KRT80: variants seen among roughly 807,000 people sequenced by gnomAD.
KRT80 encodes the protein keratin, type II cytoskeletal 80.
A neutral mutation model predicts 51.5 loss-of-function variants in KRT80; 36 were observed. The ratio of observed to expected loss-of-function variants is 0.70; its 90% CI spans 0.54 to 0.92. The LOEUF (loss-of-function observed/expected upper bound fraction) is 0.92. KRT80 is among the 40% of genes least tolerant of loss of function. The pLI, the probability that KRT80 is intolerant of heterozygous loss-of-function variation, is 0.00. For synonymous variants in KRT80, 235 were observed against 248.3 expected, an observed-to-expected ratio of 0.95 and a Z score of 0.50; for missense variants, 566 against 591.7, an observed-to-expected ratio of 0.96 and a Z score of 0.45.
chr12:52,188,270 G>A (rs1941434956), intron 1 of KRT80, among the ~76,000 whole-genome samples: 1 of 152,168 alleles, frequency 6.6e-6, no homozygotes, highest in Non-Finnish European at 1.5e-5. Context: ...CTGGCCCTCT[G>A]CCCTTAGATC....
chr12:52,177,512 A>G (rs1386756141), intron 4 of KRT80, among the ~76,000 whole-genome samples: 3 of 152,130 alleles, frequency 2.0e-5, no homozygotes, highest in Non-Finnish European at 4.4e-5. Flanking sequence ...CTGTGGGGGA[A>G]CCTTCCAGCC....
chr12:52,183,701 C>T (rs10444538), intron 2 of KRT80, among the ~76,000 whole-genome samples: 13,129 of 152,352 alleles, frequency 0.086, 662 homozygotes, highest in East Asian at 0.18. Flanking sequence ...GTGTATAGAA[C>T]TTCCAGTTAC....
In KRT80 at chr12:52,172,429, G is replaced by A; in HGVS notation, c.958-11C>T. 1.2e-6 allele frequency: 2 copies of A among 1,607,084 alleles called. No homozygotes were observed. Among genetic ancestry groups the A allele is most frequent in the Non-Finnish European group, 8.5e-7 (1 of 1,175,094 alleles). The stretch of plus-strand genomic sequence containing the variant: ...CTCCAGTTTCAGGCACTGCAGCCAG[G>A]AGGACAGAGTGAAAGGGCCTGTGAG... On this transcript the variant is annotated splice_polypyrimidine_tract_variant and intron_variant, in intron 6 of 8. Coordinates refer to ENST00000394815, the MANE Select transcript of KRT80 (RefSeq NM_182507.3).
In KRT80 at chr12:52,191,583, G is replaced by A. The variant is rs200408646; in HGVS notation, c.300+20C>T. The A allele has an allele frequency of 2.0e-4, 304 of 1,542,702 alleles. 2 individuals carry two copies. The South Asian group carries it at 3.2e-3, about 16-fold the overall frequency. On this transcript the variant is annotated intron_variant, in intron 1 of 8. Coordinates refer to ENST00000394815, the MANE Select transcript of KRT80 (RefSeq NM_182507.3). ...AGGCCTGGCAGCCCTTCATGTTTGG[G>A]ACCCCCTACTTGTGCTCACCTTGCC... is the stretch of plus-strand genomic sequence containing the variant.
In KRT80 at chr12:52,173,765, C is replaced by T. The variant is rs757087592; in HGVS notation, c.667-1G>A. 4 of 1,609,376 alleles carry T rather than the reference C, an allele frequency of 2.5e-6. No individual in the cohort carries two copies. In the East Asian group the frequency reaches 8.9e-5, roughly 36 times the overall value. On this transcript the variant is annotated splice_acceptor_variant, in intron 4 of 8. Transcript: ENST00000394815. LOFTEE classifies it high-confidence loss of function. The stretch of plus-strand genomic sequence containing the variant: ...CCTGTGCTGCCAGGTCCTTCAGCTC[C>T]TGACCGGGCACAGATGTGGGGGCTC...
At position 52,191,772 on chromosome 12, in the gene KRT80, C is replaced by T. The variant is rs376296985; in HGVS notation, c.131G>A (p.Arg44His). The T allele has an allele frequency of 2.7e-5, 43 of 1,612,240 alleles. No individual in the cohort carries two copies. Among genetic ancestry groups the T allele is most frequent in the African/African-American group, 6.7e-5 (5 of 74,928 alleles). ...CRAPGPGFSS[R>H]SLTGCWSAGT... is the part of the protein sequence containing the mutation. ...AGCCGACCAGCAGCCTGTGAGGCTG[C>T]GGGAGCTGAAGCCCGGCCCGGGGGC... is the stretch of plus-strand genomic sequence containing the variant. The change falls in exon 1 of 9, where the codon CGC becomes CAC. Residue 44 changes from arginine (R) to histidine (H), a missense_variant. By Grantham distance (29) the Arg-to-His change is conservative. Transcript: ENST00000394815.
rs1007639703 is a variant in KRT80 at position 52,191,650 on chromosome 12, C to G, written c.253G>C (p.Glu85Gln). 5.6e-6 allele frequency: 9 copies of G among 1,610,502 alleles called. No homozygotes were observed. The highest frequency in any genetic ancestry group is 6.8e-6 in the Non-Finnish European group (8 of 1,177,520). ...AVQQLKNQEKEEMKALNDKFA... is the reference protein window; with the variant it reads ...AVQQLKNQEKQEMKALNDKFA... Reference sequence around the variant, plus strand: ...TTATCATTGAGGGCCTTCATCTCCTCCTTCTCCTGGTTCTTCAGCTGCTGA... The same window carrying G: ...TTATCATTGAGGGCCTTCATCTCCTGCTTCTCCTGGTTCTTCAGCTGCTGA... The change falls in exon 1 of 9, where the codon GAG becomes CAG. Residue 85 changes from glutamate to glutamine, a missense_variant. By Grantham distance (29) the Glu-to-Gln change is conservative. Transcript: ENST00000394815.
At position 52,173,717 on chromosome 12, in the gene KRT80, G is replaced by A. The variant is rs373798283; in HGVS notation, c.714C>T (p.Val238=). The part of the protein sequence containing the change: ...AAQVKDVSVT[V]GMDSRCHIDL... ...CGATGTGGCAGCGGCTGTCCATGCC[G>A]ACGGTCACCGACACATCCTTCACCT... Residue 238 remains valine (V), a synonymous_variant, in exon 5 of 9, where the codon GTC becomes GTT. Transcript: ENST00000394815. 55 of 1,612,146 alleles carry A rather than the reference G, an allele frequency of 3.4e-5. No homozygotes were observed. Among genetic ancestry groups the A allele is most frequent in the Admixed American group, 1.3e-4 (8 of 60,008 alleles).
At chr12:52,187,760 G>GA (rs1267802746) in intron 1 of KRT80, among the ~76,000 whole-genome samples, 2 of 152,164 alleles carry the variant, frequency 1.3e-5, no homozygotes, top group East Asian at 3.9e-4. Context: ...GTGAGTGTGA[G>GA]AGGGAGCGTT....
intron 1 of KRT80, among the ~76,000 whole-genome samples, chr12:52,189,219 A>G (rs1941446895): frequency 6.6e-6 from 1 of 151,558 alleles, no homozygotes; most frequent in Admixed American, 6.6e-5. Flanking sequence ...CTCTGGGTCC[A>G]TAATTGCTCA....
intron 4 of KRT80, among the ~76,000 whole-genome samples, chr12:52,176,213 C>T (rs556634509): frequency 6.6e-6 from 1 of 152,356 alleles, no homozygotes; most frequent in African/African-American, 2.4e-5. Flanking sequence ...CCCTGCCGGG[C>T]TGCAGAGAGT....
intron 1 of KRT80, among the ~76,000 whole-genome samples, chr12:52,188,789 A>G (rs1284544959): frequency 6.6e-6 from 1 of 152,014 alleles, no homozygotes; most frequent in Non-Finnish European, 1.5e-5. Flanking sequence ...CTCTCTCTCC[A>G]TCCCCTCTGT....
At chr12:52,171,873 T>C (rs2120865048) in intron 7 of KRT80, among the ~76,000 whole-genome samples, 160 bp from the exon 8 acceptor site, 1 of 152,190 alleles carries the variant, frequency 6.6e-6, no homozygotes, top group South Asian at 2.1e-4. Flanking sequence ...AGCCAGCTTG[T>C]CCTTCCTGGG....
intron 1 of KRT80, among the ~76,000 whole-genome samples, chr12:52,190,438 A>G (rs1941462905): frequency 6.6e-6 from 1 of 152,250 alleles, no homozygotes; most frequent in Admixed American, 6.5e-5. Context: ...AGGGCAAGGC[A>G]TAAGTAGATG....
At chr12:52,174,325 G>A (rs1941180032) in intron 4 of KRT80, among the ~76,000 whole-genome samples, 1 of 152,194 alleles carries the variant, frequency 6.6e-6, no homozygotes, top group African/African-American at 2.4e-5. Flanking sequence ...GACCAGGGTG[G>A]AGTGGGCTGG....
At chr12:52,181,737 G>A (rs1046961182) in intron 2 of KRT80, among the ~76,000 whole-genome samples, 6 of 152,074 alleles carry the variant, frequency 3.9e-5, no homozygotes, top group Non-Finnish European at 8.8e-5. Context: ...CCGTTGGGTG[G>A]GGAGGACAGG....
At chr12:52,189,750 G>A (rs1414133068) in intron 1 of KRT80, among the ~76,000 whole-genome samples, 1 of 152,232 alleles carries the variant, frequency 6.6e-6, no homozygotes, top group Non-Finnish European at 1.5e-5. Flanking sequence ...CACCCTGAAG[G>A]GCACCCCATC....
At chr12:52,180,239 C>T (rs1251520988) in intron 4 of KRT80, among the ~76,000 whole-genome samples, 1 of 152,208 alleles carries the variant, frequency 6.6e-6, no homozygotes, top group Non-Finnish European at 1.5e-5. Context: ...CCCAGCATGC[C>T]CTCAGTACTC....
At chr12:52,175,312 G>T (rs10876239) in intron 4 of KRT80, among the ~76,000 whole-genome samples, 63,889 of 151,934 alleles carry the variant, frequency 0.42, 13,811 homozygotes, top group East Asian at 0.55. Context: ...CTGTGCCAAT[G>T]TTCAACGTGC....
Sources: allele counts gnomAD v4.1 joint callset (sites outside exome capture counted in the v4.1 genomes callset), GRCh38; gene constraint gnomAD v4.1.1; transcripts MANE v1.5; gene names NCBI Gene and HGNC (gene_info 2026-07-23, HGNC 2026-07-21).